OSBPL8: variants seen among roughly 807,000 people sequenced by gnomAD.
OSBPL8 encodes oxysterol-binding protein-related protein 8.
Under a neutral mutation model 125.5 loss-of-function variants are expected in OSBPL8, and 59 were observed. The ratio of observed to expected loss-of-function variants is 0.47; its 90% CI spans 0.38 to 0.58. The LOEUF (loss-of-function observed/expected upper bound fraction) is 0.58. Among genes scored for constraint, OSBPL8 ranks in the 20% least tolerant of loss-of-function variants. The probability of loss-of-function intolerance (pLI) is 0.00; values close to 1 mark genes in which losing one functional copy is unlikely to be tolerated. For missense variants in OSBPL8, 758 were observed against 1,047.8 expected, an observed-to-expected ratio of 0.72 and a Z score of 3.82; for synonymous variants, 330 against 338.9, an observed-to-expected ratio of 0.97 and a Z score of 0.29.
chr12:76,508,460 G>A (rs1280133919), intron 1 of OSBPL8, among the ~76,000 whole-genome samples: 1 of 152,152 alleles, frequency 6.6e-6, no homozygotes, highest in African/African-American at 2.4e-5. Flanking sequence ...ATTGTCAGTT[G>A]CGTTTGAACC....
chr12:76,392,723 C>A lies in OSBPL8; in HGVS notation c.787G>T (p.Ala263Ser), dbSNP rs374895551. The stretch of plus-strand genomic sequence containing the variant: ...TTAAGAAGACTAGAACATTTCAAAG[C>A]CAACTCCAAAGCATCCATCCAGCAC... Reference protein sequence around the residue: ...GRCWMDALELALKCSSLLKRT... With the variant: ...GRCWMDALELSLKCSSLLKRT... Residue 263 changes from alanine (A) to serine (S), a missense_variant, in exon 10 of 24, where the codon GCT (alanine) becomes TCT (serine). Coordinates refer to ENST00000261183, the MANE Select transcript of OSBPL8 (RefSeq NM_020841.5). The A allele has an allele frequency of 3.1e-6, 5 of 1,613,274 alleles. No individual in the cohort carries two copies. Among genetic ancestry groups the A allele is most frequent in the Non-Finnish European group, 4.2e-6 (5 of 1,179,480 alleles).
intron 1 of OSBPL8, among the ~76,000 whole-genome samples, chr12:76,507,108 A>G (rs1649407481): frequency 6.6e-6 from 1 of 151,790 alleles, no homozygotes; most frequent in Non-Finnish European, 1.5e-5. Context: ...AAATATAATT[A>G]CTAGTTGAAT....
intron 5 of OSBPL8, among the ~76,000 whole-genome samples, chr12:76,408,222 G>A (rs1954355302): frequency 6.6e-6 from 1 of 151,256 alleles, no homozygotes; most frequent in Non-Finnish European, 1.5e-5. Context: ...AGCATTCTGG[G>A]AGGCCGAGGC....
intron 11 of OSBPL8, 72 bp downstream of exon 11, chr12:76,390,348 A>G: frequency 8.8e-7 from 1 of 1,138,070 alleles, no homozygotes; most frequent in Admixed American, 2.2e-5. Context: ...CAAGCAAATA[A>G]TATCTTCAAT....
At chr12:76,396,570 A>G (rs1004179983) in intron 8 of OSBPL8, among the ~76,000 whole-genome samples, 8 of 152,146 alleles carry the variant, frequency 5.3e-5, no homozygotes, top group African/African-American at 1.9e-4. Context: ...GGCAACACAG[A>G]AAGACCCCAT....
At chr12:76,376,832 T>C (rs933394093) in intron 16 of OSBPL8, among the ~76,000 whole-genome samples, 6 of 152,084 alleles carry the variant, frequency 3.9e-5, no homozygotes, top group Non-Finnish European at 8.8e-5. Flanking sequence ...ACGTGAAGCT[T>C]TGTTATATAG....
At chr12:76,489,514 C>G (rs994291389) in intron 1 of OSBPL8, among the ~76,000 whole-genome samples, 2 of 152,214 alleles carry the variant, frequency 1.3e-5, no homozygotes, top group Non-Finnish European at 1.5e-5. Flanking sequence ...TGTAACTACT[C>G]TGCCTGTGCA....
intron 9 of OSBPL8, 60 bp downstream of exon 9, chr12:76,394,585 G>C: frequency 1.8e-6 from 2 of 1,132,720 alleles, no homozygotes; most frequent in Non-Finnish European, 2.6e-6. Context: ...ATACAAAGTG[G>C]CATTAAAAAA....
At chr12:76,514,863 T>C (rs1422066810) in intron 1 of OSBPL8, among the ~76,000 whole-genome samples, 1 of 152,236 alleles carries the variant, frequency 6.6e-6, no homozygotes, top group African/African-American at 2.4e-5. Flanking sequence ...TTAACTCTTT[T>C]TTATGTTTGT....
At chr12:76,358,197 T>TG (rs1274781677) in intron 22 of OSBPL8, among the ~76,000 whole-genome samples, 3 of 149,132 alleles carry the variant, frequency 2.0e-5, no homozygotes, top group African/African-American at 7.4e-5. Flanking sequence ...TTTTTTTTTT[T>TG]GAGACAGGGT....
intron 2 of OSBPL8, among the ~76,000 whole-genome samples, chr12:76,482,744 A>C (rs567055418): frequency 6.6e-6 from 1 of 152,350 alleles, no homozygotes; most frequent in Admixed American, 6.5e-5. Flanking sequence ...TCTTTAAAGC[A>C]TTTTGAGCAG....
chr12:76,376,125 A>G (rs1360091659), intron 16 of OSBPL8, among the ~76,000 whole-genome samples: 30 of 152,244 alleles, frequency 2.0e-4, no homozygotes, highest in Admixed American at 1.9e-3. Flanking sequence ...GCAATGGCTC[A>G]GTATTTGCTA....
chr12:76,358,019 A>C (rs1592508851), intron 22 of OSBPL8, among the ~76,000 whole-genome samples: 1 of 152,236 alleles, frequency 6.6e-6, no homozygotes, highest in Non-Finnish European at 1.5e-5. Flanking sequence ...TCACTTCCAA[A>C]CACTACAGTA....
rs534676890 is a variant in OSBPL8 at position 76,441,787 on chromosome 12, GA to G, written c.217+9063del. ...AAGGATGGTTACTGGAGGCTGGGAA[GA>G]GTAGTGAGAGGGTGGGGTGGGGAAA... On this transcript the variant is annotated intron_variant, in intron 4 of 23. Transcript: ENST00000261183. Among the ~76,000 whole-genome samples, 440 of 152,118 alleles carry G rather than the reference GA, an allele frequency of 2.9e-3. 2 individuals carry two copies. Among genetic ancestry groups the G allele is most frequent in the African/African-American group, 0.01 (423 of 41,522 alleles).
intron 6 of OSBPL8, among the ~76,000 whole-genome samples, chr12:76,400,837 G>T: frequency 6.8e-6 from 1 of 147,612 alleles, no homozygotes; most frequent in Non-Finnish European, 1.5e-5. Flanking sequence ...AACCCAGGCT[G>T]GAGTGCAGTG....
chr12:76,359,298 T>C (rs547387489), intron 21 of OSBPL8, among the ~76,000 whole-genome samples: 1 of 152,330 alleles, frequency 6.6e-6, no homozygotes, highest in South Asian at 2.1e-4. Context: ...ACGGTTTATT[T>C]ACTTTTAATC....
chr12:76,417,933 G>C (rs974298283), intron 4 of OSBPL8, among the ~76,000 whole-genome samples: 6 of 146,468 alleles, frequency 4.1e-5, no homozygotes, highest in Non-Finnish European at 6.0e-5. Context: ...TGCTGACTTT[G>C]AAAAAATTAT....
At chr12:76,530,106 T>C (rs917960040) in intron 1 of OSBPL8, among the ~76,000 whole-genome samples, 1 of 151,822 alleles carries the variant, frequency 6.6e-6, no homozygotes, top group Non-Finnish European at 1.5e-5. Flanking sequence ...CAGTCAGGAG[T>C]GTGGTGGCAA....
At chr12:76,389,942 T>C in intron 11 of OSBPL8, 113 bp from the exon 12 acceptor site, 1 of 774,844 alleles carries the variant, frequency 1.3e-6, no homozygotes. Context: ...CCAAGCATTC[T>C]TTAAATGTGG....
Sources: gnomAD v4.1 joint callset for allele counts (sites outside exome capture counted in the v4.1 genomes callset) on GRCh38, gnomAD v4.1.1 for gene constraint, MANE v1.5 for transcripts, NCBI Gene and HGNC (gene_info 2026-07-23, HGNC 2026-07-21) for gene names.